The following CORO7 variants were observed in gnomAD, a reference collection of about 807,000 sequenced individuals.
CORO7 encodes coronin-7.
In CORO7, 107 loss-of-function variants were observed where a neutral mutation model predicts 126.6. The observed-to-expected ratio is 0.85, with a 90% CI of 0.72 to 0.99. The LOEUF (loss-of-function observed/expected upper bound fraction) is 0.99. Ranked by LOEUF, CORO7 falls within the 50% of genes least tolerant of loss-of-function variation. CORO7 has a pLI of 0.00. For synonymous variants in CORO7, 603 were observed against 536.8 expected (o/e 1.12, Z -1.70); for missense variants, 1,314 against 1,255.8 (o/e 1.05, Z -0.70).
intron 9 of CORO7, among the ~76,000 whole-genome samples, chr16:4,373,854 G>T (rs188068710): frequency 2.0e-5 from 3 of 152,268 alleles, no homozygotes; most frequent in Admixed American, 2.0e-4. Context: ...GAGGTGTGTA[G>T]AGGGGAGGCT....
At chr16:4,397,448 C>T (rs1054075920) in intron 6 of CORO7, 3 of 151,074 alleles carry the variant, frequency 2.0e-5, no homozygotes, top group East Asian at 2.0e-4. Context: ...ACTGAGACTC[C>T]GTCTAAAAAA....
chr16:4,373,030 G>T (rs1226436090), intron 9 of CORO7, among the ~76,000 whole-genome samples: 1 of 152,146 alleles, frequency 6.6e-6, no homozygotes, highest in Non-Finnish European at 1.5e-5. Flanking sequence ...GGCATAGAGG[G>T]GTGGCCGGGC....
chr16:4,358,683 GT>G (rs888489150), intron 23 of CORO7, among the ~76,000 whole-genome samples, 200 bp from the exon 24 acceptor site: 3 of 152,136 alleles, frequency 2.0e-5, no homozygotes, highest in Non-Finnish European at 4.4e-5. Context: ...TATTTCCACA[GT>G]TTACAAACTC....
rs111697486 is a variant in CORO7 at position 4,399,839 on chromosome 16, TA to T, written c.565-4501del. Among the ~76,000 whole-genome samples, 454 of 145,776 alleles carry T rather than the reference TA, an allele frequency of 3.1e-3. 1 individual carries two copies. Among genetic ancestry groups the T allele is most frequent in the African/African-American group, 0.011 (422 of 39,786 alleles). On this transcript the variant is annotated intron_variant, in intron 6 of 27. Transcript: ENST00000251166. ...CTTAGAGTTTGAGGCTGCAGCAAGCTAAAAAAAAAAGAAGAAGGTAAATTTT... is the reference window on the plus strand; with the variant it reads ...CTTAGAGTTTGAGGCTGCAGCAAGCTAAAAAAAAAGAAGAAGGTAAATTTT...
intron 9 of CORO7, chr16:4,382,308 C>T (rs777494126): frequency 1.2e-6 from 2 of 1,610,650 alleles, no homozygotes; most frequent in Admixed American, 1.7e-5. Flanking sequence ...CCTCCCTGCG[C>T]GTGGGGCTGC....
At chr16:4,381,019 C>T (rs753171464) in intron 9 of CORO7, 2 of 1,609,554 alleles carry the variant, frequency 1.2e-6, no homozygotes, top group South Asian at 1.1e-5. Flanking sequence ...CACGGTGCCC[C>T]GAGACGTGCC....
chr16:4,366,400 C>T (rs1454682334), intron 9 of CORO7, among the ~76,000 whole-genome samples: 2 of 152,190 alleles, frequency 1.3e-5, no homozygotes, highest in Non-Finnish European at 2.9e-5. Flanking sequence ...CTCAGAGACC[C>T]CTGCACAGCC....
Position 4,361,045 on chromosome 16 carries a change from C to T in CORO7, c.1815G>A (p.Leu605=). Residue 605 remains leucine (L), a synonymous_variant, in exon 19 of 28, where the codon CTG becomes CTA. Transcript: ENST00000251166. ...AGGACGAGGCCAGCACATTGGCTGC[C>T]AGTGGGTGGAAGCGCAGGGAGCAGA... ...EKICSLRFHP[L]AANVLASSSY... 1 of 1,613,368 alleles carries T rather than the reference C, an allele frequency of 6.2e-7. No homozygotes were observed. Among genetic ancestry groups the T allele is most frequent in the Non-Finnish European group, 8.5e-7 (1 of 1,180,016 alleles).
chr16:4,362,261 A>T lies in CORO7; in HGVS notation c.1403-101T>A. On this transcript the variant is annotated intron_variant, in intron 15 of 27. Transcript: ENST00000251166. The surrounding 1 kb of genome is among the most constrained non-coding windows in gnomAD (Gnocchi z 5.3). ...TGCCCACTCCCCTCACCCCAGGTGG[A>T]TGTACAGCATGGACCTAGGCCCAGG... 2 of 1,458,906 alleles carry T rather than the reference A, an allele frequency of 1.4e-6. No individual in the cohort carries two copies. The highest frequency in any genetic ancestry group is 1.4e-5 in the South Asian group (1 of 72,674). The allele number at this position is 1,458,906 out of a possible 1,614,324, so 90.4% of individuals were successfully genotyped here. A position where few individuals can be genotyped will look rare whatever the true frequency, so the allele number is the denominator to read the frequency against.
chr16:4,416,331 G>A (rs1376430472), intron 1 of CORO7, 128 bp downstream of exon 1: 6 of 1,295,290 alleles, frequency 4.6e-6, no homozygotes, highest in Middle Eastern at 2.8e-4. Flanking sequence ...CTGAAGGGGG[G>A]TTCCCCGGGG....
At chr16:4,403,964 G>A (rs1463166790) in intron 6 of CORO7, among the ~76,000 whole-genome samples, 1 of 152,168 alleles carries the variant, frequency 6.6e-6, no homozygotes, top group Admixed American at 6.5e-5. Context: ...TTAGGTCAAA[G>A]CACGCATACC....
chr16:4,364,602 G>C lies in CORO7; in HGVS notation c.1132C>G (p.Gln378Glu). ...DPHSWWAGDNQQVQKVSLNPA... is the reference protein window; with the variant it reads ...DPHSWWAGDNEQVQKVSLNPA... ...TGAGCCAGCCCTGGTCCTACCTGCT[G>C]GTTGTCCCCAGCCCACCAGCTATGG... Residue 378 changes from glutamine to glutamate, a missense_variant, in exon 13 of 28, where the codon CAG becomes GAG. Coordinates refer to ENST00000251166, the MANE Select transcript of CORO7 (RefSeq NM_024535.5). 6.4e-7 allele frequency: 1 copy of C among 1,559,426 alleles called. No homozygotes were observed. Among genetic ancestry groups the C allele is most frequent in the Non-Finnish European group, 8.7e-7 (1 of 1,152,556 alleles).
intron 6 of CORO7, among the ~76,000 whole-genome samples, chr16:4,397,156 A>C (rs1377368515): frequency 2.0e-5 from 3 of 152,112 alleles, no homozygotes; most frequent in African/African-American, 7.2e-5. Context: ...AAAATATAGT[A>C]AGTATGGCCA....
At position 4,364,861 on chromosome 16, in the gene CORO7, G is replaced by A; in HGVS notation, c.958C>T (p.Leu320=). The A allele has an allele frequency of 6.2e-7, 1 of 1,611,994 alleles. No homozygotes were observed. Among genetic ancestry groups the A allele is most frequent in the South Asian group, 1.1e-5 (1 of 90,942 alleles). ...RGAALVPRQA[L]AVMSCEVLRV... Reference sequence around the variant, plus strand: ...AGTACCTCGCAGCTCATGACGGCCAGCGCCTGCCGGGGCACAAGGGCAGCC... The same window carrying A: ...AGTACCTCGCAGCTCATGACGGCCAACGCCTGCCGGGGCACAAGGGCAGCC... The change falls in exon 12 of 28, where the codon CTG becomes TTG. Residue 320 remains leucine, a synonymous_variant. Transcript: ENST00000251166.
At chr16:4,382,192 C>T (rs1454676697) in intron 9 of CORO7, 1 of 1,601,414 alleles carries the variant, frequency 6.2e-7, no homozygotes, top group Non-Finnish European at 8.5e-7. Flanking sequence ...CTTCACGGGC[C>T]TGTACTGTGA....
intron 9 of CORO7, among the ~76,000 whole-genome samples, chr16:4,368,766 A>G (rs1240177071): frequency 1.3e-5 from 2 of 151,954 alleles, no homozygotes; most frequent in Admixed American, 6.6e-5. Flanking sequence ...AAAAAAAAAA[A>G]ATCACATCAG....
intron 9 of CORO7, among the ~76,000 whole-genome samples, chr16:4,378,468 A>G (rs1161952333): frequency 4.0e-5 from 6 of 151,828 alleles, no homozygotes; most frequent in African/African-American, 1.5e-4. Context: ...CACCCCCCAT[A>G]TGGACATGGG....
chr16:4,383,042 T>C, intron 9 of CORO7: 1 of 920,618 alleles, frequency 1.1e-6, no homozygotes, highest in Non-Finnish European at 1.6e-6. Context: ...CTGGGCCCTG[T>C]TCCCTCTGGA....
At chr16:4,365,626 A>G in intron 9 of CORO7, 81 bp from the exon 10 acceptor site, 2 of 1,522,280 alleles carry the variant, frequency 1.3e-6, no homozygotes, top group Non-Finnish European at 1.8e-6. Context: ...AGCCCAGGAC[A>G]GGCACCACAG....
Sources: gnomAD v4.1 joint callset for allele counts (sites outside exome capture counted in the v4.1 genomes callset) on GRCh38, gnomAD v4.1.1 for gene constraint, Gnocchi (gnomAD v3.1) non-coding constraint, MANE v1.5 for transcripts, NCBI Gene and HGNC (gene_info 2026-07-23, HGNC 2026-07-21) for gene names.